GPC6: variants seen among roughly 807,000 people sequenced by gnomAD.
GPC6 encodes the protein glypican 6.
GPC6 carries 14 observed loss-of-function variants against 55.2 expected under a neutral mutation model. The ratio of observed to expected loss-of-function variants is 0.25; its 90% CI spans 0.17 to 0.40. The LOEUF (loss-of-function observed/expected upper bound fraction) is 0.40, where lower values mean the gene tolerates loss of function less well. Ranked by LOEUF, GPC6 falls within the 10% of genes least tolerant of loss-of-function variation. The pLI is 1.00. For synonymous variants in GPC6, 278 were observed against 259.6 expected (o/e 1.07, Z -0.68); for missense variants, 641 against 708.5 (o/e 0.90, Z 1.08).
chr13:94,172,203 CA>C (rs1293245267), intron 4 of GPC6, among the ~76,000 whole-genome samples: 1 of 148,682 alleles, frequency 6.7e-6, no homozygotes, highest in Non-Finnish European at 1.5e-5. Flanking sequence ...CACCAGAAGA[CA>C]AAAAAAACAA....
At chr13:94,164,822 C>A (rs570698768) in intron 4 of GPC6, among the ~76,000 whole-genome samples, 1 of 152,068 alleles carries the variant, frequency 6.6e-6, no homozygotes. Flanking sequence ...AATAAACTAA[C>A]TAGGGATTTC....
intron 1 of GPC6, among the ~76,000 whole-genome samples, chr13:93,254,797 A>G (rs1594054755): frequency 6.6e-6 from 1 of 152,198 alleles, no homozygotes; most frequent in Non-Finnish European, 1.5e-5. Flanking sequence ...TCATTTGGAA[A>G]GCAAAATGTT....
At chr13:94,097,415 G>A (rs1271244389) in intron 4 of GPC6, among the ~76,000 whole-genome samples, 2 of 148,918 alleles carry the variant, frequency 1.3e-5, no homozygotes, top group African/African-American at 4.9e-5. Flanking sequence ...GCTGAGGCAG[G>A]AGAATGGCGT....
At chr13:93,297,120 A>G (rs577408001) in intron 1 of GPC6, among the ~76,000 whole-genome samples, 2 of 152,282 alleles carry the variant, frequency 1.3e-5, no homozygotes, top group East Asian at 3.9e-4. Flanking sequence ...TTGTATGTGC[A>G]TCCTTATATT....
intron 3 of GPC6, among the ~76,000 whole-genome samples, chr13:93,834,392 G>A (rs74108879): frequency 0.028 from 4,241 of 152,070 alleles, 73 homozygotes; most frequent in South Asian, 0.065. Flanking sequence ...GTAAAACTAA[G>A]CAATACATTG....
intron 3 of GPC6, among the ~76,000 whole-genome samples, chr13:93,914,215 C>A (rs1042727114): frequency 6.6e-6 from 1 of 152,214 alleles, no homozygotes; most frequent in African/African-American, 2.4e-5. Flanking sequence ...ATCCCTCCCC[C>A]CTCTCCCCAC....
chr13:93,578,241 C>T lies in GPC6; in HGVS notation c.319+32820C>T, dbSNP rs1046289437. ...TAAAATAAATTTGGAAGTATTCCCT[C>T]CTGTTCAATTTTTTTTAAAAAGAGT... On this transcript the variant is annotated intron_variant, in intron 2 of 8. Transcript: ENST00000377047. 2.6e-5 allele frequency among the ~76,000 whole-genome samples: 4 copies of T among 151,964 alleles called. No homozygotes were observed. In the South Asian group the frequency reaches 6.2e-4, roughly 24 times the overall value.
chr13:94,337,530 C>T (rs1479799100), intron 6 of GPC6, among the ~76,000 whole-genome samples: 3 of 151,948 alleles, frequency 2.0e-5, no homozygotes, highest in Non-Finnish European at 4.4e-5. Context: ...TCACCACAAC[C>T]TCCACCTCCT....
chr13:93,552,437 TCTCTC>T (rs1308227311), intron 2 of GPC6, among the ~76,000 whole-genome samples: 2 of 141,000 alleles, frequency 1.4e-5, no homozygotes, highest in Admixed American at 1.4e-4. Flanking sequence ...ATGCCTTCCT[TCTCTC>T]CTCCTCCTCC....
rs74109185 is a variant in GPC6, at chr13:94,000,370, T to C, written c.712-27359T>C. ...TTATATTTATTATTCTATATTACATTCAGAGGACTTGTGTCTGTGTGCTAG... is the reference window on the plus strand; with the variant it reads ...TTATATTTATTATTCTATATTACATCCAGAGGACTTGTGTCTGTGTGCTAG... On this transcript the variant is annotated intron_variant, in intron 3 of 8. Transcript: ENST00000377047. 4.7e-3 allele frequency among the ~76,000 whole-genome samples: 719 copies of C among 152,326 alleles called. 7 individuals carry two copies. The highest frequency in any genetic ancestry group is 0.015 in the African/African-American group (620 of 41,580).
chr13:94,288,870 G>GTT (rs1178388312), intron 5 of GPC6, among the ~76,000 whole-genome samples: 3 of 19,986 alleles, frequency 1.5e-4, no homozygotes, highest in African/African-American at 4.6e-4. Flanking sequence ...ATATATATTT[G>GTT]TTATATATAT....
chr13:94,097,325 A>AC (rs1885699107), intron 4 of GPC6, among the ~76,000 whole-genome samples: 1 of 151,780 alleles, frequency 6.6e-6, no homozygotes. Flanking sequence ...ACACGGTGAA[A>AC]CCCCGTCTCT....
intron 4 of GPC6, among the ~76,000 whole-genome samples, chr13:94,208,257 A>G (rs758956741): frequency 2.0e-5 from 3 of 152,226 alleles, no homozygotes; most frequent in Non-Finnish European, 2.9e-5. Context: ...TTTTGGGTAA[A>G]GCACCTAGTG....
chr13:93,682,870 T>C (rs1377414931), intron 2 of GPC6, among the ~76,000 whole-genome samples: 1 of 147,578 alleles, frequency 6.8e-6, no homozygotes, highest in African/African-American at 2.5e-5. Flanking sequence ...AAGGGAAAAG[T>C]AGCCAGGTGT....
At chr13:93,729,301 A>C (rs940194864) in intron 2 of GPC6, among the ~76,000 whole-genome samples, 1 of 152,202 alleles carries the variant, frequency 6.6e-6, no homozygotes. Flanking sequence ...ATCAGACCAC[A>C]TTCTCAGAGG....
intron 2 of GPC6, among the ~76,000 whole-genome samples, chr13:93,816,131 G>A (rs1348811501): frequency 6.6e-6 from 1 of 152,080 alleles, no homozygotes; most frequent in Non-Finnish European, 1.5e-5. Flanking sequence ...ATCTAAGATT[G>A]ATTTTTTTTC....
chr13:93,871,248 A>C (rs1889124151), intron 3 of GPC6, among the ~76,000 whole-genome samples: 1 of 152,000 alleles, frequency 6.6e-6, no homozygotes, highest in Non-Finnish European at 1.5e-5. Flanking sequence ...TCAGAGCTCC[A>C]AGTTTTTCAA....
chr13:93,929,706 A>C (rs1878055304), intron 3 of GPC6, among the ~76,000 whole-genome samples: 1 of 152,118 alleles, frequency 6.6e-6, no homozygotes, highest in Admixed American at 6.6e-5. Flanking sequence ...CCATATACAT[A>C]ATTTTAAAAT....
At chr13:93,555,593 T>A (rs1875419477) in intron 2 of GPC6, among the ~76,000 whole-genome samples, 2 of 152,210 alleles carry the variant, frequency 1.3e-5, no homozygotes, top group African/African-American at 4.8e-5. Flanking sequence ...GTGGATTTAA[T>A]GGAACTAATT....
Sources: allele counts gnomAD v4.1 joint callset (sites outside exome capture counted in the v4.1 genomes callset), GRCh38; gene constraint gnomAD v4.1.1; transcripts MANE v1.5; gene names NCBI Gene and HGNC (gene_info 2026-07-23, HGNC 2026-07-21).